The following INPP5B variants were observed in gnomAD, a reference collection of about 807,000 sequenced individuals.
INPP5B encodes the protein inositol polyphosphate-5-phosphatase B, also known as type II inositol 1,4,5-trisphosphate 5-phosphatase.
Under a neutral mutation model 118.5 loss-of-function variants are expected in INPP5B, and 90 were observed. The observed-to-expected ratio is 0.76, with a 90% CI of 0.64 to 0.90. INPP5B has a LOEUF of 0.90. Ranked by LOEUF, INPP5B falls within the 40% of genes least tolerant of loss-of-function variation. The pLI is 0.00. For missense variants in INPP5B, 984 were observed against 1,125.6 expected, an observed-to-expected ratio of 0.87 and a Z score of 1.80; for synonymous variants, 385 against 418.9, an observed-to-expected ratio of 0.92 and a Z score of 0.99.
chr1:37,890,505 G>GT (rs1489248912), intron 8 of INPP5B, among the ~76,000 whole-genome samples: 3 of 152,018 alleles, frequency 2.0e-5, no homozygotes, highest in Non-Finnish European at 4.4e-5. Flanking sequence ...ATTTATAGTC[G>GT]TAACTAAAAT....
chr1:37,909,708 T>C (rs1644622793), intron 7 of INPP5B, among the ~76,000 whole-genome samples: 1 of 151,694 alleles, frequency 6.6e-6, no homozygotes. Context: ...ACTCCTGACA[T>C]TAGAAAAATC....
At position 37,866,479 on chromosome 1, in the gene INPP5B, G is replaced by T; in HGVS notation, c.2366C>A (p.Thr789Asn). Residue 789 changes from threonine to asparagine, a missense_variant, in exon 21 of 24, where the codon ACT (threonine) becomes AAT (asparagine). By Grantham distance (65) the Thr-to-Asn change is moderately conservative. Coordinates refer to ENST00000373024, the MANE Select transcript of INPP5B (RefSeq NM_005540.3). ...GATACAGAGGTTATCAATCATTCCA[G>T]TATCCAAGCAGTCCCTGATATGTTC... ...EFEHIRDCLDTGMIDNLSASN... is the reference protein window; with the variant it reads ...EFEHIRDCLDNGMIDNLSASN... 1 of 1,598,982 alleles carries T rather than the reference G, an allele frequency of 6.3e-7. No homozygotes were observed. Among genetic ancestry groups the T allele is most frequent in the Non-Finnish European group, 8.6e-7 (1 of 1,168,166 alleles).
chr1:37,936,570 A>G (rs1213615342), intron 6 of INPP5B, among the ~76,000 whole-genome samples: 2 of 151,686 alleles, frequency 1.3e-5, no homozygotes, highest in African/African-American at 4.8e-5. Flanking sequence ...GTAGTGATAC[A>G]AGATCATGCC....
At chr1:37,870,109 T>C (rs1042297233) in intron 19 of INPP5B, 2 of 151,892 alleles carry the variant, frequency 1.3e-5, no homozygotes, top group African/African-American at 4.8e-5. Flanking sequence ...TCATTGACTA[T>C]GGAACTTTCA....
chr1:37,886,898 A>G lies in INPP5B; in HGVS notation c.1121T>C (p.Met374Thr). 11 of 1,613,946 alleles carry G rather than the reference A, an allele frequency of 6.8e-6. No individual in the cohort carries two copies. Among genetic ancestry groups the G allele is most frequent in the Non-Finnish European group, 8.5e-6 (10 of 1,179,820 alleles). Residue 374 changes from methionine to threonine, a missense_variant, in exon 12 of 24, where the codon ATG becomes ACG. This residue lies in a region of INPP5B where 634 missense variants were observed against 791.0 expected (regional missense o/e 0.80). Transcript: ENST00000373024. ...CAACCAAGGACTCACCATCCTCCCC[A>G]TGATTCCTGTCCCCACAGTCTCGGC... ...VEAETVGTGI[M>T]GRMGNKGGVA...
chr1:37,905,344 T>C (rs1453071086), intron 7 of INPP5B, among the ~76,000 whole-genome samples: 1 of 152,154 alleles, frequency 6.6e-6, no homozygotes, highest in Non-Finnish European at 1.5e-5. Flanking sequence ...GAGGTTGCAG[T>C]GAGCTGAGAT....
intron 7 of INPP5B, among the ~76,000 whole-genome samples, chr1:37,897,334 C>A (rs1049248051): frequency 6.7e-6 from 1 of 148,558 alleles, no homozygotes; most frequent in African/African-American, 2.5e-5. Flanking sequence ...GGATGGTTGC[C>A]GTGTCTGTGT....
chr1:37,925,253 A>C (rs1645186544), intron 7 of INPP5B, among the ~76,000 whole-genome samples: 1 of 152,000 alleles, frequency 6.6e-6, no homozygotes, highest in Admixed American at 6.6e-5. Context: ...ACCATGAAGA[A>C]AAGAAAAAGA....
At chr1:37,914,167 C>T (rs1644793118) in intron 7 of INPP5B, among the ~76,000 whole-genome samples, 1 of 152,166 alleles carries the variant, frequency 6.6e-6, no homozygotes, top group Non-Finnish European at 1.5e-5. Flanking sequence ...CATGGAAGCA[C>T]GTGACATAAT....
At chr1:37,938,855 G>T (rs1286445880) in intron 6 of INPP5B, among the ~76,000 whole-genome samples, 1 of 151,936 alleles carries the variant, frequency 6.6e-6, no homozygotes, top group East Asian at 1.9e-4. Context: ...CCGGGAGTTC[G>T]AGACCACCCT....
intron 6 of INPP5B, among the ~76,000 whole-genome samples, chr1:37,938,270 A>ATAATAAAT (rs377580384): frequency 8.4e-6 from 1 of 118,750 alleles, no homozygotes; most frequent in African/African-American, 2.7e-5. Flanking sequence ...CTCTGTCTCA[A>ATAATAAAT]AAATAAATAA....
chr1:37,936,207 C>T (rs1304266477), intron 6 of INPP5B, among the ~76,000 whole-genome samples: 1 of 152,186 alleles, frequency 6.6e-6, no homozygotes, highest in Non-Finnish European at 1.5e-5. Context: ...CCACACCCTC[C>T]TCTTCCCCCA....
intron 21 of INPP5B, 115 bp downstream of exon 21, chr1:37,866,344 G>A (rs1243015026): frequency 1.6e-6 from 1 of 625,222 alleles, no homozygotes. Context: ...CAGATTTTGA[G>A]CCATAAAATA....
chr1:37,911,215 T>A (rs1367672338), intron 7 of INPP5B, among the ~76,000 whole-genome samples: 1 of 152,132 alleles, frequency 6.6e-6, no homozygotes, highest in Non-Finnish European at 1.5e-5. Context: ...TCTCTACAGT[T>A]CCCATAACTT....
At chr1:37,868,288 G>A (rs1444467707) in intron 20 of INPP5B, among the ~76,000 whole-genome samples, 13 of 149,582 alleles carry the variant, frequency 8.7e-5, no homozygotes, top group Admixed American at 1.3e-4. Flanking sequence ...ACTCCAGCCT[G>A]GGCAACAGAA....
chr1:37,868,860 A>C (rs1245065272), intron 19 of INPP5B, among the ~76,000 whole-genome samples: 1 of 152,234 alleles, frequency 6.6e-6, no homozygotes, highest in Non-Finnish European at 1.5e-5. Flanking sequence ...TTTCAGGAAA[A>C]AATCATTCCT....
chr1:37,944,731 A>T (rs1646055694), intron 3 of INPP5B, among the ~76,000 whole-genome samples: 1 of 148,990 alleles, frequency 6.7e-6, no homozygotes, highest in Non-Finnish European at 1.5e-5. Flanking sequence ...ACAGGCATGC[A>T]CCACAACACC....
chr1:37,864,160 C>T (rs1195252553), intron 23 of INPP5B, 152 bp downstream of exon 23: 1 of 577,396 alleles, frequency 1.7e-6, no homozygotes, highest in East Asian at 2.9e-5. Flanking sequence ...GGAGGAGTGT[C>T]CAAACGCAAA....
intron 7 of INPP5B, among the ~76,000 whole-genome samples, chr1:37,895,124 G>A (rs2148535830): frequency 6.6e-6 from 1 of 152,256 alleles, no homozygotes; most frequent in Middle Eastern, 3.4e-3. Flanking sequence ...GTGTATTGGG[G>A]ACATCTGTTA....
Sources: allele counts gnomAD v4.1 joint callset (sites outside exome capture counted in the v4.1 genomes callset), GRCh38; gene constraint gnomAD v4.1.1; regional missense constraint gnomAD v4.1.1; transcripts MANE v1.5; gene names NCBI Gene and HGNC (gene_info 2026-07-23, HGNC 2026-07-21).